RUNX1: variants seen among roughly 807,000 people sequenced by gnomAD.
RUNX1 encodes RUNX family transcription factor 1, also known as runt-related transcription factor 1.
RUNX1 carries 19 observed loss-of-function variants against 42.8 expected under a neutral mutation model. That is an observed-to-expected ratio of 0.44 (90% CI 0.31 to 0.65). The LOEUF (loss-of-function observed/expected upper bound fraction) is 0.65. Ranked by LOEUF, RUNX1 falls within the 30% of genes least tolerant of loss-of-function variation. The pLI is 0.07. For synonymous variants in RUNX1, 271 were observed against 289.4 expected, an observed-to-expected ratio of 0.94 and a Z score of 0.64; for missense variants, 528 against 672.0, an observed-to-expected ratio of 0.79 and a Z score of 2.37.
intron 2 of RUNX1, among the ~76,000 whole-genome samples, chr21:34,919,754 A>G (rs188264415): frequency 6.6e-6 from 1 of 152,352 alleles, no homozygotes; most frequent in East Asian, 1.9e-4. Context: ...ATAATTGAGT[A>G]TTATTAGATT....
intron 4 of RUNX1, among the ~76,000 whole-genome samples, chr21:34,881,776 T>C (rs2057909124): frequency 6.6e-6 from 1 of 152,246 alleles, no homozygotes; most frequent in Non-Finnish European, 1.5e-5. Context: ...AAGCATGACC[T>C]AAAGATACTT....
intron 2 of RUNX1, among the ~76,000 whole-genome samples, chr21:34,995,172 C>T (rs978583250): frequency 6.6e-6 from 1 of 152,222 alleles, no homozygotes; most frequent in Non-Finnish European, 1.5e-5. Flanking sequence ...ACGGAGGCCC[C>T]ACCTTGTGAG....
chr21:34,887,925 G>A (rs1408302439), intron 3 of RUNX1: 1 of 1,065,586 alleles, frequency 9.4e-7, no homozygotes, highest in Non-Finnish European at 1.1e-6. Context: ...GCGTTTCAGA[G>A]ATCTTCAGCT....
intron 2 of RUNX1, among the ~76,000 whole-genome samples, chr21:34,947,135 C>T (rs1017967754): frequency 6.6e-6 from 1 of 152,176 alleles, no homozygotes; most frequent in African/African-American, 2.4e-5. Flanking sequence ...CATGTGTCAT[C>T]TTACCAAATG....
chr21:34,960,185 C>G (rs190413379), intron 2 of RUNX1, among the ~76,000 whole-genome samples: 1 of 152,128 alleles, frequency 6.6e-6, no homozygotes, highest in Non-Finnish European at 1.5e-5. Context: ...GAGACTCAAC[C>G]ATGTGTTCAC....
At chr21:34,849,323 T>TA (rs1569052020) in intron 6 of RUNX1, among the ~76,000 whole-genome samples, 1 of 33,128 alleles carries the variant, frequency 3.0e-5, no homozygotes, top group Non-Finnish European at 5.9e-5. Context: ...TATATATATA[T>TA]TATATATACT....
intron 2 of RUNX1, among the ~76,000 whole-genome samples, chr21:35,017,336 A>G (rs1194851372): frequency 6.6e-6 from 1 of 152,210 alleles, no homozygotes; most frequent in African/African-American, 2.4e-5. Flanking sequence ...TGAAGAATCT[A>G]AAGCTTATTG....
chr21:34,870,299 C>A (rs1167904693), intron 5 of RUNX1, among the ~76,000 whole-genome samples: 4 of 152,196 alleles, frequency 2.6e-5, no homozygotes, highest in African/African-American at 9.7e-5. Context: ...TATGTCTTGT[C>A]TCAGGTAATC....
intron 2 of RUNX1, among the ~76,000 whole-genome samples, chr21:34,960,095 G>C (rs1415403391): frequency 2.0e-5 from 3 of 152,214 alleles, no homozygotes; most frequent in Non-Finnish European, 4.4e-5. Flanking sequence ...TCCAGCACCA[G>C]ATCGGGGCAT....
chr21:35,002,775 G>A (rs2059056348), intron 2 of RUNX1, among the ~76,000 whole-genome samples: 1 of 151,918 alleles, frequency 6.6e-6, no homozygotes, highest in Non-Finnish European at 1.5e-5. Flanking sequence ...ATTTCACGAG[G>A]TCAGGAAGTT....
intron 6 of RUNX1, among the ~76,000 whole-genome samples, chr21:34,848,714 C>T (rs1001826415): frequency 6.6e-6 from 1 of 152,174 alleles, no homozygotes; most frequent in Non-Finnish European, 1.5e-5. Context: ...GGATTACAGG[C>T]GTGAGCTACC....
chr21:34,976,463 G>T (rs1190569922), intron 2 of RUNX1, among the ~76,000 whole-genome samples: 1 of 152,168 alleles, frequency 6.6e-6, no homozygotes, highest in African/African-American at 2.4e-5. Context: ...CATTATAATT[G>T]TAAGACTTTT....
At chr21:34,854,379 T>C (rs2146207960) in intron 6 of RUNX1, among the ~76,000 whole-genome samples, 1 of 152,130 alleles carries the variant, frequency 6.6e-6, no homozygotes, top group East Asian at 1.9e-4. Context: ...CAGGAAGCAC[T>C]CTACAGTTTG....
chr21:34,925,616 C>T (rs564147283), intron 2 of RUNX1, among the ~76,000 whole-genome samples: 6 of 152,232 alleles, frequency 3.9e-5, no homozygotes, highest in Middle Eastern at 3.4e-3. Flanking sequence ...AGAGGAAGCC[C>T]GGCTCTTCCT....
At chr21:34,867,622 A>G (rs563058722) in intron 5 of RUNX1, among the ~76,000 whole-genome samples, 3 of 152,322 alleles carry the variant, frequency 2.0e-5, no homozygotes, top group African/African-American at 7.2e-5. Context: ...TATTTGGCAG[A>G]ATATCACCTA....
At chr21:34,878,591 C>T (rs2057851142) in intron 5 of RUNX1, among the ~76,000 whole-genome samples, 1 of 152,086 alleles carries the variant, frequency 6.6e-6, no homozygotes, top group African/African-American at 2.4e-5. Flanking sequence ...TTGGTTGCAG[C>T]TATTTTACTT....
chr21:34,959,165 C>T (rs2058666291), intron 2 of RUNX1, among the ~76,000 whole-genome samples: 1 of 151,240 alleles, frequency 6.6e-6, no homozygotes, highest in Admixed American at 6.6e-5. Flanking sequence ...CTAACCTGCA[C>T]ATTGTGCACA....
At chr21:35,030,622 G>A (rs1769308459) in intron 2 of RUNX1, among the ~76,000 whole-genome samples, 2 of 152,138 alleles carry the variant, frequency 1.3e-5, no homozygotes, top group South Asian at 2.1e-4. Flanking sequence ...TAAAACTACT[G>A]GAAGAAAACA....
intron 2 of RUNX1, among the ~76,000 whole-genome samples, chr21:35,036,143 G>A (rs1041430227): frequency 6.6e-6 from 1 of 152,054 alleles, no homozygotes; most frequent in African/African-American, 2.4e-5. Flanking sequence ...TAAATAAGCC[G>A]GAAGAAGCAC....
Sources: allele counts gnomAD v4.1 joint callset (sites outside exome capture counted in the v4.1 genomes callset), GRCh38; gene constraint gnomAD v4.1.1; transcripts MANE v1.5; gene names NCBI Gene and HGNC (gene_info 2026-07-23, HGNC 2026-07-21).